The following ZNF607 variants were observed in gnomAD, a reference collection of about 807,000 sequenced individuals.
ZNF607 encodes zinc finger protein 607.
A neutral mutation model predicts 12.8 loss-of-function variants in ZNF607; 5 were observed. The observed-to-expected ratio is 0.39, with a 90% CI of 0.20 to 0.82. The LOEUF (loss-of-function observed/expected upper bound fraction) is 0.82, where lower values mean the gene tolerates loss of function less well. ZNF607 is among the 40% of genes least tolerant of loss of function. The pLI is 0.39. For synonymous variants in ZNF607, 287 were observed against 276.2 expected (o/e 1.04, Z -0.39); for missense variants, 851 against 859.2 (o/e 0.99, Z 0.12).
At position 37,702,504 on chromosome 19, in the gene ZNF607, T is replaced by C. The variant is rs574899256; in HGVS notation, c.236-2609A>G. On this transcript the variant is annotated intron_variant, in intron 4 of 4. Transcript: ENST00000355202. ...AATGCCAAGTAAGATATGTTACATT[T>C]ACTGATAAAAGCAAATTAGTTTGTT... 3.3e-5 allele frequency among the ~76,000 whole-genome samples: 5 copies of C among 152,292 alleles called. No individual in the cohort carries two copies. The South Asian group carries it at 1.0e-3, about 32-fold the overall frequency.
chr19:37,717,944 A>G (rs902549639), intron 1 of ZNF607, among the ~76,000 whole-genome samples: 2 of 152,198 alleles, frequency 1.3e-5, no homozygotes, highest in African/African-American at 2.4e-5. Context: ...CTTTACAAAC[A>G]TAAATCTTAT....
In ZNF607 at chr19:37,698,554, A is replaced by C; in HGVS notation, c.1577T>G (p.Ile526Ser). The C allele has an allele frequency of 6.2e-7, 1 of 1,612,088 alleles. No individual in the cohort carries two copies. The highest frequency in any genetic ancestry group is 8.5e-7 in the Non-Finnish European group (1 of 1,178,300). Residue 526 changes from isoleucine to serine, a missense_variant, in exon 5 of 5, where the codon ATT becomes AGT. Ile to Ser is a moderately radical substitution (Grantham distance 142). Transcript: ENST00000355202. ...VSGQLTQHLS[I>S]HSGKKPFECN... ...TTCAAAGGGTTTCTTACCACTGTGA[A>C]TACTCAGATGCTGAGTAAGTTGTCC...
chr19:37,708,059 G>T, intron 3 of ZNF607, 47 bp from the exon 4 acceptor site: 1 of 1,506,690 alleles, frequency 6.6e-7, no homozygotes, highest in Non-Finnish European at 9.1e-7. Context: ...CAACTTTGAA[G>T]GTAAAATTTA....
At chr19:37,710,511 G>A (rs568154803) in intron 2 of ZNF607, among the ~76,000 whole-genome samples, 1 of 151,858 alleles carries the variant, frequency 6.6e-6, no homozygotes, top group South Asian at 2.1e-4. Flanking sequence ...GAGTGGAGGA[G>A]ATGAAGGAGT....
chr19:37,711,751 G>C lies in ZNF607; in HGVS notation c.-74-59C>G, dbSNP rs1257770681. 3 of 792,500 alleles carry C rather than the reference G, an allele frequency of 3.8e-6. No individual in the cohort carries two copies. In the South Asian group the frequency reaches 4.8e-5, roughly 13 times the overall value. 49.1% of individuals were successfully genotyped at this position (792,500 alleles called of 1,614,324 possible). A position where few individuals can be genotyped will look rare whatever the true frequency, so the allele number is the denominator to read the frequency against. On this transcript the variant is annotated intron_variant, in intron 1 of 4. Coordinates refer to ENST00000355202, the MANE Select transcript of ZNF607 (RefSeq NM_032689.5). ...CTTTAGTGGTCCCCATAGGACTCAA[G>C]GTAATAGTACTGTTTTCCTCTTCCA...
At position 37,709,728 on chromosome 19, in the gene ZNF607, A is replaced by G. The variant is rs553359127; in HGVS notation, c.104T>C (p.Met35Thr). 5.6e-5 allele frequency: 90 copies of G among 1,598,448 alleles called. No individual in the cohort carries two copies. In the South Asian group the frequency reaches 9.0e-4, roughly 16 times the overall value. ...GACTAAGTTGTCATAGTTCTCCATC[A>G]TCACCTCCTGGTACAAGGTCTTCTG... ...LVQKTLYQEV[M>T]MENYDNLVSL... The change falls in exon 3 of 5, where the codon ATG (methionine) becomes ACG (threonine). Residue 35 changes from methionine to threonine, a missense_variant. Transcript: ENST00000355202.
Position 37,698,990 on chromosome 19 carries a change from T to G in ZNF607, c.1141A>C (p.Thr381Pro), listed in dbSNP as rs1568402767. Residue 381 changes from threonine to proline, a missense_variant, in exon 5 of 5, where the codon ACT becomes CCT. Coordinates refer to ENST00000355202, the MANE Select transcript of ZNF607 (RefSeq NM_032689.5). ...GKAFSVHGRL[T>P]RHQGIHSGKK... ...CCACTATGAATACCCTGATGTCGAG[T>G]AAGTCGTCCATGCACACTAAAGGCT... 6.2e-7 allele frequency: 1 copy of G among 1,613,788 alleles called. No individual in the cohort carries two copies. Among genetic ancestry groups the G allele is most frequent in the South Asian group, 1.1e-5 (1 of 91,056 alleles).
intron 1 of ZNF607, among the ~76,000 whole-genome samples, chr19:37,716,549 C>T (rs1466792130): frequency 6.6e-6 from 1 of 152,140 alleles, no homozygotes; most frequent in Non-Finnish European, 1.5e-5. Context: ...GGTTAGATTC[C>T]TTTTTCTAAC....
intron 4 of ZNF607, among the ~76,000 whole-genome samples, chr19:37,705,046 AAAT>A (rs763065140): frequency 1.3e-4 from 20 of 152,164 alleles, no homozygotes; most frequent in South Asian, 4.1e-4. Flanking sequence ...AGAAGAATAA[AAAT>A]AATAATCATC....
rs781733563 is a variant in ZNF607, at chr19:37,698,692, TGACA to T, written c.1435_1438del (p.Cys479LysfsTer45). ...ATAACTAAAACCCTTCCCACACTCT[TGACA>T]TACATAGGGTTTCTCTCCTGTATGA... is the stretch of plus-strand genomic sequence containing the variant. On this transcript the variant is annotated frameshift_variant, in exon 5 of 5. Coordinates refer to ENST00000355202, the MANE Select transcript of ZNF607 (RefSeq NM_032689.5). LOFTEE classifies it low-confidence loss of function (END_TRUNC). 6.8e-6 allele frequency: 11 copies of T among 1,613,362 alleles called. No homozygotes were observed. In the East Asian group the frequency reaches 8.9e-5, roughly 13 times the overall value.
At position 37,707,923 on chromosome 19, in the gene ZNF607, CT is replaced by C. The variant is rs1485435599; in HGVS notation, c.225del (p.Glu76SerfsTer11). The part of the protein sequence containing the change: ...PWMIVREETR[G>X]ECTDLDSRCE... ...CCTGACTTGCTCTTACCTGTACACT[CT>C]CCTCTTGTTTCTTCCCTCACAATCA... On this transcript the variant is annotated frameshift_variant, in exon 4 of 5. Coordinates refer to ENST00000355202, the MANE Select transcript of ZNF607 (RefSeq NM_032689.5). LOFTEE classifies it low-confidence loss of function (END_TRUNC). 2.5e-6 allele frequency: 4 copies of C among 1,613,760 alleles called. No individual in the cohort carries two copies. In the African/African-American group the frequency reaches 5.3e-5, roughly 22 times the overall value.
intron 1 of ZNF607, among the ~76,000 whole-genome samples, chr19:37,713,826 T>C (rs550857949): frequency 1.3e-5 from 2 of 152,272 alleles, no homozygotes; most frequent in Non-Finnish European, 2.9e-5. Flanking sequence ...AACCAATACG[T>C]ACAATACATT....
chr19:37,697,562 A>C lies in ZNF607; in HGVS notation c.*478T>G. Reference sequence around the variant, plus strand: ...TCCCCCATATCATCCCAGCTATAGGAAGCAGATGTTGATCATGAGCATTAA... The same window carrying C: ...TCCCCCATATCATCCCAGCTATAGGCAGCAGATGTTGATCATGAGCATTAA... On this transcript the variant is annotated 3_prime_UTR_variant, in exon 5 of 5. Transcript: ENST00000355202. The C allele has an allele frequency of 2.0e-6, 1 of 498,486 alleles. No homozygotes were observed. The highest frequency in any genetic ancestry group is 3.7e-6 in the Non-Finnish European group (1 of 272,866). 30.9% of individuals were successfully genotyped at this position (498,486 alleles called of 1,614,324 possible).
Position 37,699,096 on chromosome 19 carries a change from A to C in ZNF607, c.1035T>G (p.Ala345=). 2 of 1,614,096 alleles carry C rather than the reference A, an allele frequency of 1.2e-6. No homozygotes were observed. The highest frequency in any genetic ancestry group is 2.2e-5 in the South Asian group (2 of 91,072). Residue 345 remains alanine (A), a synonymous_variant, in exon 5 of 5, where the codon GCT becomes GCG. Transcript: ENST00000355202. ...CAGTAAGTTGATGGCCACTACTAAA[A>C]GCCTCCCCATTTTCTTTACATTCAT... ...KHYECKENGE[A]FSSGHQLTAP... is the part of the protein sequence containing the mutation.
chr19:37,710,141 C>A (rs1480495276), intron 2 of ZNF607, among the ~76,000 whole-genome samples: 2 of 146,316 alleles, frequency 1.4e-5, no homozygotes, highest in African/African-American at 2.6e-5. Context: ...GGCAATAGAG[C>A]GAGACTCCGT....
Position 37,698,265 on chromosome 19 carries a change from A to AC in ZNF607, c.1865dup (p.Cys622TrpfsTer13). The AC allele has an allele frequency of 6.2e-7, 1 of 1,614,184 alleles. No homozygotes were observed. Among genetic ancestry groups the AC allele is most frequent in the Non-Finnish European group, 8.5e-7 (1 of 1,180,030 alleles). On this transcript the variant is annotated frameshift_variant, in exon 5 of 5. Transcript: ENST00000355202. LOFTEE classifies it low-confidence loss of function (END_TRUNC). ...ATGAGGCACAGTGAAATGCCTTCCCACATCTTTTACATTCATAGGGTTTAT... is the reference window on the plus strand; with the variant it reads ...ATGAGGCACAGTGAAATGCCTTCCCACCATCTTTTACATTCATAGGGTTTAT...
intron 1 of ZNF607, among the ~76,000 whole-genome samples, chr19:37,717,806 C>CAAAAAAAAAAAAAAAAAAAAAAAAAAAA (rs57152044): frequency 1.5e-5 from 1 of 67,096 alleles, no homozygotes; most frequent in Non-Finnish European, 2.6e-5. Context: ...AACTCAGTCT[C>CAAAAAAAAAAAAAAAAAAAAAAAAAAAA]AAAAAAAAAA....
intron 4 of ZNF607, among the ~76,000 whole-genome samples, chr19:37,703,474 G>A (rs1229428782): frequency 6.6e-6 from 1 of 151,870 alleles, no homozygotes; most frequent in Non-Finnish European, 1.5e-5. Context: ...GATGGCTACT[G>A]GTAAAAACAA....
intron 1 of ZNF607, among the ~76,000 whole-genome samples, chr19:37,712,312 T>A (rs1470301338): frequency 6.6e-6 from 1 of 152,146 alleles, no homozygotes; most frequent in African/African-American, 2.4e-5. Flanking sequence ...GTAAAATATA[T>A]AAATACATAT....
Sources: allele counts gnomAD v4.1 joint callset (sites outside exome capture counted in the v4.1 genomes callset), GRCh38; gene constraint gnomAD v4.1.1; transcripts MANE v1.5; gene names NCBI Gene and HGNC (gene_info 2026-07-23, HGNC 2026-07-21).